The following PACRG variants were observed in gnomAD, a reference collection of about 807,000 sequenced individuals.
PACRG encodes the protein parkin coregulated gene protein.
PACRG carries 29 observed loss-of-function variants against 29.7 expected under a neutral mutation model. The observed-to-expected ratio is 0.98, with a 90% CI of 0.73 to 1.33. PACRG has a LOEUF of 1.33. Among genes scored for constraint, PACRG ranks in the 40% most tolerant of loss-of-function variants. PACRG has a pLI of 0.00. For synonymous variants in PACRG, 116 were observed against 118.7 expected (o/e 0.98, Z 0.15); for missense variants, 279 against 316.2 (o/e 0.88, Z 0.89).
At chr6:163,313,884 C>A (rs1472529500) in intron 4 of PACRG, 1 of 152,048 alleles carries the variant, frequency 6.6e-6, no homozygotes, top group Non-Finnish European at 1.5e-5. Context: ...GAATGACTAT[C>A]GTTAGAGAAA....
chr6:163,124,294 G>A (rs1188033879), intron 4 of PACRG, among the ~76,000 whole-genome samples: 1 of 151,974 alleles, frequency 6.6e-6, no homozygotes, highest in African/African-American at 2.4e-5. Context: ...ATTGATGCTG[G>A]GGGAAAAAGG....
At chr6:163,281,758 G>A (rs989120228) in intron 4 of PACRG, among the ~76,000 whole-genome samples, 5 of 152,068 alleles carry the variant, frequency 3.3e-5, no homozygotes, top group African/African-American at 1.2e-4. Context: ...GTGTATATGA[G>A]TCAGGCTACA....
At chr6:162,953,380 C>A (rs1262816798) in intron 2 of PACRG, among the ~76,000 whole-genome samples, 2 of 152,112 alleles carry the variant, frequency 1.3e-5, no homozygotes, top group East Asian at 1.9e-4. Context: ...TAGAAAACTT[C>A]TTTTAATGTA....
chr6:163,052,467 G>T (rs558547139), intron 2 of PACRG, among the ~76,000 whole-genome samples: 2 of 152,264 alleles, frequency 1.3e-5, no homozygotes, highest in South Asian at 4.2e-4. Context: ...CTCTGATGTG[G>T]TTTGGCTTTG....
intron 4 of PACRG, among the ~76,000 whole-genome samples, chr6:163,275,975 T>G (rs572690728): frequency 2.7e-5 from 4 of 150,498 alleles, no homozygotes; most frequent in African/African-American, 7.4e-5. Flanking sequence ...TGCTTTTTTT[T>G]TTTATTATTC....
chr6:163,197,071 G>A (rs1046791401), intron 4 of PACRG, among the ~76,000 whole-genome samples: 14 of 152,122 alleles, frequency 9.2e-5, no homozygotes, highest in Admixed American at 1.3e-4. Flanking sequence ...AGAAGAACTC[G>A]TGGTCATTTT....
At chr6:163,296,469 A>G (rs1784782515) in intron 4 of PACRG, among the ~76,000 whole-genome samples, 1 of 152,034 alleles carries the variant, frequency 6.6e-6, no homozygotes, top group Non-Finnish European at 1.5e-5. Flanking sequence ...TAATTTTTGT[A>G]TTTTTAGTAG....
chr6:162,815,871 A>G (rs1787292484), intron 2 of PACRG, among the ~76,000 whole-genome samples: 1 of 152,142 alleles, frequency 6.6e-6, no homozygotes, highest in Non-Finnish European at 1.5e-5. Context: ...GTAAAATAAT[A>G]TGTCATAATT....
chr6:162,910,334 A>G (rs1796221191), intron 2 of PACRG, among the ~76,000 whole-genome samples: 3 of 152,172 alleles, frequency 2.0e-5, no homozygotes, highest in Non-Finnish European at 4.4e-5. Context: ...AGATTTCACA[A>G]TTGGTTCTTA....
chr6:163,315,127 C>A lies in PACRG; in HGVS notation c.*140C>A. 2.1e-6 allele frequency: 2 copies of A among 957,214 alleles called. No homozygotes were observed. The highest frequency in any genetic ancestry group is 3.1e-6 in the Non-Finnish European group (2 of 649,602). The allele number at this position is 957,214 out of a possible 1,614,324, so 59.3% of individuals were successfully genotyped here. On this transcript the variant is annotated 3_prime_UTR_variant, in exon 5 of 5. Transcript: ENST00000366888. ...AAATAGTGGCTTATGGGCCATTGGACTGTTAGCCCTATTGAGAGCAAGGCT... is the reference window on the plus strand; with the variant it reads ...AAATAGTGGCTTATGGGCCATTGGAATGTTAGCCCTATTGAGAGCAAGGCT...
At chr6:162,847,738 C>T (rs1360543177) in intron 2 of PACRG, among the ~76,000 whole-genome samples, 2 of 151,938 alleles carry the variant, frequency 1.3e-5, no homozygotes, top group Non-Finnish European at 2.9e-5. Context: ...CAGCAGCATG[C>T]ATTGCAAGAT....
intron 4 of PACRG, among the ~76,000 whole-genome samples, chr6:163,221,363 G>A (rs1430820759): frequency 6.6e-6 from 1 of 152,196 alleles, no homozygotes; most frequent in African/African-American, 2.4e-5. Context: ...GCGGGCAAAG[G>A]CAGTGAGAAG....
At chr6:162,774,105 T>A (rs1390926617) in intron 1 of PACRG, among the ~76,000 whole-genome samples, 1 of 152,208 alleles carries the variant, frequency 6.6e-6, no homozygotes, top group South Asian at 2.1e-4. Flanking sequence ...GTGGTAGATA[T>A]GGATGGAAAG....
At chr6:162,881,025 A>G (rs1793794785) in intron 2 of PACRG, among the ~76,000 whole-genome samples, 1 of 152,188 alleles carries the variant, frequency 6.6e-6, no homozygotes, top group South Asian at 2.1e-4. Flanking sequence ...GTAGATGTGC[A>G]TGTCATTGTC....
intron 4 of PACRG, among the ~76,000 whole-genome samples, chr6:163,154,608 T>C (rs560035652): frequency 6.6e-6 from 1 of 152,338 alleles, no homozygotes; most frequent in African/African-American, 2.4e-5. Context: ...TCATGTGCTA[T>C]GTAGGACTGC....
chr6:163,250,050 G>A (rs974851325), intron 4 of PACRG, among the ~76,000 whole-genome samples: 4 of 152,160 alleles, frequency 2.6e-5, no homozygotes, highest in African/African-American at 4.8e-5. Context: ...AATAGTTGGT[G>A]GCATTCTTCC....
chr6:163,246,508 A>G (rs1189897273), intron 4 of PACRG, among the ~76,000 whole-genome samples: 2 of 152,122 alleles, frequency 1.3e-5, no homozygotes, highest in Non-Finnish European at 2.9e-5. Flanking sequence ...ATTTACAACC[A>G]TCTGAAATAT....
rs191744622 is a variant in PACRG, at chr6:162,977,676, G to C, written c.292-84474G>C. ...TTTAGAATAGTATTTCTGGGTATGA[G>C]TACAGCACAATGGGGATACTCAGTT... On this transcript the variant is annotated intron_variant, in intron 2 of 4. Coordinates refer to ENST00000366888, the MANE Select transcript of PACRG (RefSeq NM_001080379.2). 3.3e-3 allele frequency among the ~76,000 whole-genome samples: 501 copies of C among 152,186 alleles called. 5 individuals carry two copies. Among genetic ancestry groups the C allele is most frequent in the African/African-American group, 0.012 (489 of 41,516 alleles).
chr6:163,159,157 G>A (rs1263340788), intron 4 of PACRG, among the ~76,000 whole-genome samples: 1 of 151,930 alleles, frequency 6.6e-6, no homozygotes, highest in Non-Finnish European at 1.5e-5. Context: ...TGTTGTAAGC[G>A]TTACATAATG....
Sources: gnomAD v4.1 joint callset for allele counts (sites outside exome capture counted in the v4.1 genomes callset) on GRCh38, gnomAD v4.1.1 for gene constraint, MANE v1.5 for transcripts, NCBI Gene and HGNC (gene_info 2026-07-23, HGNC 2026-07-21) for gene names.